The following SLF1 variants were observed in gnomAD, a reference collection of about 807,000 sequenced individuals.
SLF1 encodes the protein SMC5/6 complex localization factor 1, also known as SMC5-SMC6 complex localization factor protein 1.
SLF1 carries 105 observed loss-of-function variants against 123.0 expected under a neutral mutation model. That is an observed-to-expected ratio of 0.85 (90% CI 0.73 to 1.00). The LOEUF is 1.00. Among genes scored for constraint, SLF1 ranks in the 50% least tolerant of loss-of-function variants. The pLI is 0.00. For missense variants in SLF1, 1,239 were observed against 1,223.0 expected (o/e 1.01, Z -0.20); for synonymous variants, 434 against 406.6 (o/e 1.07, Z -0.81).
intron 16 of SLF1, among the ~76,000 whole-genome samples, chr5:94,687,425 G>T (rs1298826690): frequency 6.6e-6 from 1 of 152,206 alleles, no homozygotes. Context: ...GGCCGAGCAT[G>T]ATGGCCCCTG....
At chr5:94,687,137 A>G (rs965488455) in intron 16 of SLF1, among the ~76,000 whole-genome samples, 1 of 152,222 alleles carries the variant, frequency 6.6e-6, no homozygotes, top group Non-Finnish European at 1.5e-5. Context: ...TAAATATTTC[A>G]ATTCTGTATA....
intron 17 of SLF1, 118 bp from the exon 18 acceptor site, chr5:94,689,355 G>GAATGAGT: frequency 9.9e-7 from 1 of 1,005,586 alleles, no homozygotes; most frequent in South Asian, 2.6e-5. Flanking sequence ...AGTAAAGATT[G>GAATGAGT]AATGAGTAAG....
chr5:94,655,603 G>C (rs1394005170), intron 9 of SLF1, among the ~76,000 whole-genome samples: 1 of 152,054 alleles, frequency 6.6e-6, no homozygotes, highest in Non-Finnish European at 1.5e-5. Context: ...CCATTTGTTT[G>C]TGTCCATGTC....
At position 94,694,911 on chromosome 5, in the gene SLF1, C is replaced by G. The variant is rs750216683; in HGVS notation, c.2776C>G (p.Leu926Val). ...YVVSPQIKEE[L>V]FAITKIEDTV... ...GGTTTCACCTCAAATCAAAGAAGAA[C>G]TGTTTGCTATTACAAAAATAGAAGA... The change falls in exon 21 of 21, where the codon CTG becomes GTG. Residue 926 changes from leucine (L) to valine (V), a missense_variant. Transcript: ENST00000265140. 6.2e-7 allele frequency: 1 copy of G among 1,611,688 alleles called. No individual in the cohort carries two copies. Among genetic ancestry groups the G allele is most frequent in the South Asian group, 1.1e-5 (1 of 90,760 alleles).
Position 94,678,809 on chromosome 5 carries a change from T to A in SLF1, c.1829T>A (p.Val610Asp), listed in dbSNP as rs1451589866. 3 of 1,610,438 alleles carry A rather than the reference T, an allele frequency of 1.9e-6. No homozygotes were observed. Among genetic ancestry groups the A allele is most frequent in the Non-Finnish European group, 2.5e-6 (3 of 1,177,432 alleles). Reference sequence around the variant, plus strand: ...AATTTTTTTGTATCTTAATGTTAGGTCTTCAAACATGAACTAGCTTACTTA... The same window carrying A: ...AATTTTTTTGTATCTTAATGTTAGGACTTCAAACATGAACTAGCTTACTTA... Reference protein sequence around the residue: ...SHKEKFKSNDVFKHELAYLLA... With the variant: ...SHKEKFKSNDDFKHELAYLLA... Residue 610 changes from valine to aspartate, a missense_variant and splice_region_variant, in exon 15 of 21, where the codon GTC becomes GAC. Coordinates refer to ENST00000265140, the MANE Select transcript of SLF1 (RefSeq NM_032290.4).
At position 94,654,202 on chromosome 5, in the gene SLF1, C is replaced by T. The variant is rs567520591; in HGVS notation, c.1033-428C>T. 1.6e-4 allele frequency among the ~76,000 whole-genome samples: 24 copies of T among 151,468 alleles called. No individual in the cohort carries two copies. In the South Asian group the frequency reaches 4.6e-3, roughly 29 times the overall value. On this transcript the variant is annotated intron_variant, in intron 8 of 20. Coordinates refer to ENST00000265140, the MANE Select transcript of SLF1 (RefSeq NM_032290.4). ...AAATACCTAAATACATAAATAAATGCCATATTATGTATATATGCATATATT... is the reference window on the plus strand; with the variant it reads ...AAATACCTAAATACATAAATAAATGTCATATTATGTATATATGCATATATT...
Position 94,686,524 on chromosome 5 carries a change from T to G in SLF1, c.1976-49T>G, listed in dbSNP as rs201719028. The G allele has an allele frequency of 2.9e-5, 46 of 1,584,942 alleles. No homozygotes were observed. In the Admixed American group the frequency reaches 3.1e-4, roughly 11 times the overall value. ...CTAAGGAAATAGCCTATGGAAAAAA[T>G]TGTATAGGATACAGCAATAACTATA... On this transcript the variant is annotated intron_variant, in intron 15 of 20. Transcript: ENST00000265140.
At chr5:94,683,460 T>C (rs1427870277) in intron 15 of SLF1, among the ~76,000 whole-genome samples, 3 of 152,220 alleles carry the variant, frequency 2.0e-5, no homozygotes, top group Non-Finnish European at 4.4e-5. Context: ...GTAATTAAGT[T>C]AATATAAATA....
intron 4 of SLF1, among the ~76,000 whole-genome samples, chr5:94,636,858 C>G (rs1385052478): frequency 6.6e-6 from 1 of 151,846 alleles, no homozygotes; most frequent in Non-Finnish European, 1.5e-5. Context: ...GCTGGGACTA[C>G]AGGCACCTGC....
intron 14 of SLF1, among the ~76,000 whole-genome samples, chr5:94,676,284 T>C (rs1751050148): frequency 1.3e-5 from 2 of 152,204 alleles, no homozygotes; most frequent in African/African-American, 4.8e-5. Context: ...ACTAACTTGC[T>C]CAGAGTGATC....
At chr5:94,651,256 C>T (rs79414504) in intron 6 of SLF1, among the ~76,000 whole-genome samples, 1,789 of 152,176 alleles carry the variant, frequency 0.012, 42 homozygotes, top group African/African-American at 0.042. Context: ...CTCTGATGTT[C>T]GCACAATGAC....
chr5:94,650,417 C>T (rs1222334368), intron 6 of SLF1, among the ~76,000 whole-genome samples: 6 of 148,270 alleles, frequency 4.0e-5, no homozygotes, highest in Non-Finnish European at 7.4e-5. Flanking sequence ...GGCTGGACTG[C>T]AGTGGCACTA....
intron 14 of SLF1, among the ~76,000 whole-genome samples, chr5:94,676,182 G>A (rs2095049508): frequency 6.6e-6 from 1 of 152,136 alleles, no homozygotes; most frequent in South Asian, 2.1e-4. Context: ...GGATGCATAT[G>A]TGCATATGGA....
At chr5:94,635,337 C>CTT (rs34524874) in intron 4 of SLF1, among the ~76,000 whole-genome samples, 60 of 43,874 alleles carry the variant, frequency 1.4e-3, no homozygotes, top group East Asian at 8.3e-3. Flanking sequence ...ACATACTCGG[C>CTT]TTTTTTTTTT....
chr5:94,680,529 A>G (rs1751644974), intron 15 of SLF1, among the ~76,000 whole-genome samples: 1 of 152,202 alleles, frequency 6.6e-6, no homozygotes, highest in South Asian at 2.1e-4. Flanking sequence ...CATTTGACTA[A>G]CAGAATTTCC....
chr5:94,627,149 T>C (rs1354785181), intron 1 of SLF1, among the ~76,000 whole-genome samples: 1 of 152,180 alleles, frequency 6.6e-6, no homozygotes, highest in African/African-American at 2.4e-5. Context: ...GCTCAAATCG[T>C]CACAGTTTTT....
chr5:94,661,569 C>A (rs767153151), intron 9 of SLF1, among the ~76,000 whole-genome samples: 7 of 150,120 alleles, frequency 4.7e-5, no homozygotes, highest in Non-Finnish European at 7.4e-5. Flanking sequence ...GGGTCTAGCT[C>A]TGTTGCCCAG....
At chr5:94,691,465 T>G in intron 18 of SLF1, 99 bp from the exon 19 acceptor site, 1 of 792,562 alleles carries the variant, frequency 1.3e-6, no homozygotes, top group Non-Finnish European at 1.8e-6. Flanking sequence ...TAAATAAATT[T>G]CTGGCATGGG....
chr5:94,652,029 G>A (rs1461139508), intron 7 of SLF1, among the ~76,000 whole-genome samples, 184 bp downstream of exon 7: 1 of 102,398 alleles, frequency 9.8e-6, no homozygotes, highest in Non-Finnish European at 2.1e-5. Flanking sequence ...TTTTTTTTGA[G>A]ATGGAGTCTT....
Sources: allele counts gnomAD v4.1 joint callset (sites outside exome capture counted in the v4.1 genomes callset), GRCh38; gene constraint gnomAD v4.1.1; transcripts MANE v1.5; gene names NCBI Gene and HGNC (gene_info 2026-07-23, HGNC 2026-07-21).